Variants in RORA observed in about 807,000 individuals in gnomAD.
RORA encodes the protein nuclear receptor ROR-alpha.
In RORA, 7 loss-of-function variants were observed where a neutral mutation model predicts 69.5. That is an observed-to-expected ratio of 0.10 (90% CI 0.06 to 0.19). The LOEUF is 0.19. Ranked by LOEUF, RORA falls within the 10% of genes least tolerant of loss-of-function variation. The pLI, the probability that RORA is intolerant of heterozygous loss-of-function variation, is 1.00. For missense variants in RORA, 457 were observed against 663.0 expected, an observed-to-expected ratio of 0.69 and a Z score of 3.41; for synonymous variants, 261 against 240.8, an observed-to-expected ratio of 1.08 and a Z score of -0.78.
In RORA at chr15:60,810,272, T is replaced by G. The variant is rs1044669324; in HGVS notation, c.167-131586A>C. Reference sequence around the variant, plus strand: ...ACTGGAAACAATTTTCCTTTGGGACTTTGAAAACCTTGCTTCATCACCCTC... The same window carrying G: ...ACTGGAAACAATTTTCCTTTGGGACGTTGAAAACCTTGCTTCATCACCCTC... On this transcript the variant is annotated intron_variant, in intron 1 of 10. Transcript: ENST00000335670. Among the ~76,000 whole-genome samples, 4 of 152,228 alleles carry G rather than the reference T, an allele frequency of 2.6e-5. No individual in the cohort carries two copies. The South Asian group carries it at 8.3e-4, about 32-fold the overall frequency.
chr15:61,139,774 A>C (rs2079280921), intron 1 of RORA, among the ~76,000 whole-genome samples: 1 of 152,210 alleles, frequency 6.6e-6, no homozygotes, highest in African/African-American at 2.4e-5. Context: ...AGTGAGTTTA[A>C]GATCTGATAG....
At chr15:60,854,931 C>T (rs2073363953) in intron 1 of RORA, among the ~76,000 whole-genome samples, 1 of 152,190 alleles carries the variant, frequency 6.6e-6, no homozygotes, top group Non-Finnish European at 1.5e-5. Context: ...CCCAACATAG[C>T]AATGTGGGTT....
intron 1 of RORA, among the ~76,000 whole-genome samples, chr15:60,805,338 C>G (rs2072645292): frequency 6.6e-6 from 1 of 152,182 alleles, no homozygotes; most frequent in African/African-American, 2.4e-5. Context: ...ATAGGAAAGA[C>G]AGAGAGAAAG....
intron 1 of RORA, among the ~76,000 whole-genome samples, chr15:60,923,339 A>C (rs1176530288): frequency 6.6e-6 from 1 of 152,162 alleles, no homozygotes; most frequent in Non-Finnish European, 1.5e-5. Flanking sequence ...CTCCCGAACA[A>C]AGGGCCTTCA....
intron 3 of RORA, among the ~76,000 whole-genome samples, chr15:60,518,875 C>A (rs979912196): frequency 3.9e-5 from 6 of 152,230 alleles, no homozygotes; most frequent in African/African-American, 1.4e-4. Context: ...GAGTCCAGCA[C>A]TCCCTCCTTA....
At chr15:60,635,222 C>G (rs1215658002) in intron 2 of RORA, among the ~76,000 whole-genome samples, 1 of 152,232 alleles carries the variant, frequency 6.6e-6, no homozygotes, top group Non-Finnish European at 1.5e-5. Flanking sequence ...CCATATATTT[C>G]TCTTCCTAAC....
At chr15:61,174,337 T>C (rs1435228361) in intron 1 of RORA, among the ~76,000 whole-genome samples, 2 of 152,148 alleles carry the variant, frequency 1.3e-5, no homozygotes, top group Non-Finnish European at 2.9e-5. Context: ...TCTTTAAGAG[T>C]TAGGCTGGTT....
intron 1 of RORA, among the ~76,000 whole-genome samples, chr15:60,702,617 A>G (rs926977120): frequency 1.3e-5 from 2 of 152,240 alleles, no homozygotes; most frequent in Admixed American, 6.5e-5. Flanking sequence ...TAACCTTAGG[A>G]AGTCACATCA....
At chr15:60,502,216 G>T (rs187142103) in intron 8 of RORA, among the ~76,000 whole-genome samples, 1 of 152,190 alleles carries the variant, frequency 6.6e-6, no homozygotes, top group Admixed American at 6.5e-5. Flanking sequence ...CTGACCTCAG[G>T]TGATCCGCCT....
intron 1 of RORA, among the ~76,000 whole-genome samples, chr15:60,789,105 G>C (rs927152597): frequency 2.0e-5 from 3 of 152,188 alleles, no homozygotes; most frequent in Admixed American, 2.0e-4. Flanking sequence ...GGGAGAAGAA[G>C]CAAGGAATAG....
chr15:60,936,201 C>G (rs1457556495), intron 1 of RORA, among the ~76,000 whole-genome samples: 7 of 152,178 alleles, frequency 4.6e-5, no homozygotes. Context: ...CTGGGGGAAG[C>G]CCTTCTTAGT....
At chr15:60,588,143 C>A (rs2068389440) in intron 2 of RORA, among the ~76,000 whole-genome samples, 1 of 152,140 alleles carries the variant, frequency 6.6e-6, no homozygotes, top group Non-Finnish European at 1.5e-5. Flanking sequence ...TCAATTCACA[C>A]CTGACTTGTC....
chr15:60,613,679 A>G (rs1172770836), intron 2 of RORA, among the ~76,000 whole-genome samples: 1 of 149,182 alleles, frequency 6.7e-6, no homozygotes, highest in Non-Finnish European at 1.5e-5. Flanking sequence ...AATAATCACA[A>G]AATCTCAATT....
At chr15:60,948,431 A>G (rs920097325) in intron 1 of RORA, among the ~76,000 whole-genome samples, 7 of 152,172 alleles carry the variant, frequency 4.6e-5, no homozygotes, top group Non-Finnish European at 8.8e-5. Flanking sequence ...AAGGCAAAAT[A>G]CTCTCCATGG....
rs61188463 is a variant in RORA at position 61,175,541 on chromosome 15, T to TAAATA, written c.166+53511_166+53512insTATTT. Among the ~76,000 whole-genome samples the TAAATA allele has an allele frequency of 1.2e-4, 14 of 120,214 alleles. 1 individual carries two copies. The highest frequency in any genetic ancestry group is 1.0e-4 in the Non-Finnish European group (6 of 57,542). 78.9% of individuals were successfully genotyped at this position (120,214 alleles called of 152,430 possible). A position where few individuals can be genotyped will look rare whatever the true frequency, so the allele number is the denominator to read the frequency against. On this transcript the variant is annotated intron_variant, in intron 1 of 10. Transcript: ENST00000335670. ...GAGCAACATAGTGAGATCCTGTTTCTAAAAAAAAAAAAAAAAAACTTGCCA... is the reference window on the plus strand; with the variant it reads ...GAGCAACATAGTGAGATCCTGTTTCTAAATAAAAAAAAAAAAAAAAAAACTTGCCA...
chr15:61,084,622 G>A (rs1029173085), intron 1 of RORA, among the ~76,000 whole-genome samples: 1 of 152,130 alleles, frequency 6.6e-6, no homozygotes, highest in Non-Finnish European at 1.5e-5. Context: ...TCTCTTGGCA[G>A]AATCTTCAAG....
At chr15:61,106,435 AG>A (rs2078949453) in intron 1 of RORA, among the ~76,000 whole-genome samples, 1 of 152,238 alleles carries the variant, frequency 6.6e-6, no homozygotes, top group South Asian at 2.1e-4. Context: ...TACCAAACAC[AG>A]GACAATGAAC....
At chr15:61,041,922 C>A (rs1896792238) in intron 1 of RORA, among the ~76,000 whole-genome samples, 1 of 152,060 alleles carries the variant, frequency 6.6e-6, no homozygotes, top group Non-Finnish European at 1.5e-5. Flanking sequence ...ACCTCTATGC[C>A]CTTTTCAGAG....
chr15:60,615,330 A>G lies in RORA; in HGVS notation c.196+63327T>C, dbSNP rs545780435. Among the ~76,000 whole-genome samples, 14 of 152,308 alleles carry G rather than the reference A, an allele frequency of 9.2e-5. No homozygotes were observed. The East Asian group carries it at 2.7e-3, about 29-fold the overall frequency. On this transcript the variant is annotated intron_variant, in intron 2 of 10. Transcript: ENST00000335670. ...GCTTCTAAGTCCTGAAGGTTTGCCT[A>G]TCTTATCTGGGAAACCAGTAATAGG...
Sources: gnomAD v4.1 joint callset for allele counts (sites outside exome capture counted in the v4.1 genomes callset) on GRCh38, gnomAD v4.1.1 for gene constraint, MANE v1.5 for transcripts, NCBI Gene and HGNC (gene_info 2026-07-23, HGNC 2026-07-21) for gene names.